ATXN8OS: variants seen among roughly 807,000 people sequenced by gnomAD.
ATXN8OS encodes the protein ATXN8 opposite strand lncRNA.
At chr13:70,157,334 A>AT (rs560272222) in intron 4 of ATXN8OS, among the ~76,000 whole-genome samples, 2 of 152,024 alleles carry the variant, frequency 1.3e-5, no homozygotes, top group East Asian at 1.9e-4. Flanking sequence ...AAAGAACATA[A>AT]TTTTTTTTCA....
chr13:70,111,647 C>T (rs1015189800), intron 1 of ATXN8OS, among the ~76,000 whole-genome samples: 1 of 152,136 alleles, frequency 6.6e-6, no homozygotes, highest in African/African-American at 2.4e-5. Flanking sequence ...AAAATTCATA[C>T]CATAGCAGAA....
intron 3 of ATXN8OS, chr13:70,139,539 G>C (rs1363385340): frequency 2.0e-6 from 1 of 491,840 alleles, no homozygotes; most frequent in Non-Finnish European, 3.6e-6. Context: ...TATGAATAAA[G>C]AATTGATTTT....
chr13:70,151,779 C>G (rs302033), intron 4 of ATXN8OS, among the ~76,000 whole-genome samples: 148,790 of 152,186 alleles, frequency 0.98, 72,808 homozygotes, highest in Middle Eastern at 1. Context: ...TAGAAGTCAT[C>G]CGTAATAACT....
At chr13:70,169,626 T>G (rs1450399776) in intron 4 of ATXN8OS, among the ~76,000 whole-genome samples, 1 of 152,016 alleles carries the variant, frequency 6.6e-6, no homozygotes. Context: ...AGTATTGTCA[T>G]AAGTAAACTG....
At chr13:70,167,723 C>CTTTTTTTTTTTTTTTTTTTT (rs4053603) in intron 4 of ATXN8OS, among the ~76,000 whole-genome samples, 9 of 61,896 alleles carry the variant, frequency 1.5e-4, no homozygotes, top group African/African-American at 5.0e-4. Flanking sequence ...TATGTAACTT[C>CTTTTTTTTTTTTTTTTTTTT]TTTTTTTTTT....
chr13:70,164,275 C>G (rs575909042), intron 4 of ATXN8OS, among the ~76,000 whole-genome samples: 1 of 151,328 alleles, frequency 6.6e-6, no homozygotes. Flanking sequence ...AATGTAATTT[C>G]AAATAAAGTA....
intron 4 of ATXN8OS, among the ~76,000 whole-genome samples, chr13:70,152,923 C>A (rs1245205858): frequency 1.3e-5 from 2 of 150,186 alleles, no homozygotes; most frequent in Admixed American, 6.7e-5. Flanking sequence ...GGAAAACCAA[C>A]CAATAACCAC....
At chr13:70,149,057 T>C (rs960040827) in intron 4 of ATXN8OS, among the ~76,000 whole-genome samples, 2 of 152,092 alleles carry the variant, frequency 1.3e-5, no homozygotes, top group Non-Finnish European at 2.9e-5. Context: ...CTCACACTAG[T>C]TTTTGGTCTG....
intron 4 of ATXN8OS, among the ~76,000 whole-genome samples, chr13:70,152,661 C>G (rs929217521): frequency 1.2e-4 from 18 of 151,858 alleles, no homozygotes; most frequent in African/African-American, 4.4e-4. Flanking sequence ...TTATGATAAA[C>G]AAGTGAGATT....
intron 3 of ATXN8OS, among the ~76,000 whole-genome samples, chr13:70,135,149 T>C (rs1326289152): frequency 6.6e-6 from 1 of 152,164 alleles, no homozygotes; most frequent in Admixed American, 6.6e-5. Flanking sequence ...CCTGACTTTT[T>C]CTTTATTATC....
At chr13:70,169,679 C>T (rs1889122410) in intron 4 of ATXN8OS, among the ~76,000 whole-genome samples, 1 of 151,330 alleles carries the variant, frequency 6.6e-6, no homozygotes, top group South Asian at 2.1e-4. Context: ...CACATCCATC[C>T]CTCTCCTAAT....
chr13:70,127,814 CCAAGCAGAGGCTAACTTATT>C (rs532791973), intron 2 of ATXN8OS, among the ~76,000 whole-genome samples: 65 of 152,006 alleles, frequency 4.3e-4, no homozygotes, highest in African/African-American at 1.5e-3. Context: ...TCAGAATTAT[CCAAGCAGAGGCTAACTTATT>C]CAAGCAGAGG....
intron 3 of ATXN8OS, among the ~76,000 whole-genome samples, chr13:70,132,088 T>A (rs796669867): frequency 6.6e-6 from 1 of 152,136 alleles, no homozygotes; most frequent in Admixed American, 6.6e-5. Context: ...CATGTTAAAA[T>A]TTTTAGTTCA....
chr13:70,110,961 G>A (rs1279004224), intron 1 of ATXN8OS, among the ~76,000 whole-genome samples: 2 of 152,112 alleles, frequency 1.3e-5, no homozygotes, highest in Non-Finnish European at 2.9e-5. Context: ...AACACACTTT[G>A]TTTTAAAGAC....
intron 1 of ATXN8OS, among the ~76,000 whole-genome samples, chr13:70,109,109 T>G (rs924936369): frequency 1.3e-5 from 2 of 152,216 alleles, no homozygotes; most frequent in African/African-American, 4.8e-5. Flanking sequence ...AGTACATAAA[T>G]CATTGTATAC....
chr13:70,144,470 C>A (rs1005195300), intron 3 of ATXN8OS, among the ~76,000 whole-genome samples: 2 of 151,664 alleles, frequency 1.3e-5, no homozygotes, highest in African/African-American at 4.8e-5. Flanking sequence ...ATTTTTATAC[C>A]CAATAACCTG....
rs571288782 is a variant in ATXN8OS, at chr13:70,131,073, T to C, written n.499+1189T>C. ...GATTATTCTTTGACCAATTTTGTCT[T>C]ATCTCTTATCCACATTCTTCCCTGC... On this transcript the variant is annotated intron_variant and non_coding_transcript_variant, in intron 3 of 4. Coordinates refer to ENST00000678624, the Ensembl canonical transcript of ATXN8OS. The C allele has an allele frequency of 1.0e-5, 4 of 398,552 alleles. No homozygotes were observed. The South Asian group carries it at 5.1e-4, about 51-fold the overall frequency. The allele number at this position is 398,552 out of a possible 1,614,324, so 24.7% of individuals were successfully genotyped here.
intron 4 of ATXN8OS, among the ~76,000 whole-genome samples, chr13:70,149,015 T>C (rs998617073): frequency 6.6e-6 from 1 of 152,190 alleles, no homozygotes; most frequent in East Asian, 1.9e-4. Flanking sequence ...CATATTTTTC[T>C]TAGATGCTTT....
intron 1 of ATXN8OS, chr13:70,108,629 C>T (rs1437798934): frequency 6.6e-6 from 1 of 152,158 alleles, no homozygotes; most frequent in Non-Finnish European, 1.5e-5. Context: ...CTTTTTTCAC[C>T]CTCCTTCCTC....
Sources: allele counts gnomAD v4.1 joint callset (sites outside exome capture counted in the v4.1 genomes callset), GRCh38; gene constraint gnomAD v4.1.1; transcripts MANE v1.5; gene names NCBI Gene and HGNC (gene_info 2026-07-23, HGNC 2026-07-21).